The following GALNTL6 variants were observed in gnomAD, a reference collection of about 807,000 sequenced individuals.
GALNTL6 encodes polypeptide N-acetylgalactosaminyltransferase like 6.
A neutral mutation model predicts 73.7 loss-of-function variants in GALNTL6; 46 were observed. The ratio of observed to expected loss-of-function variants is 0.62; its 90% CI spans 0.49 to 0.80. The LOEUF (loss-of-function observed/expected upper bound fraction) is 0.80. Among genes scored for constraint, GALNTL6 ranks in the 30% least tolerant of loss-of-function variants. The pLI, the probability that GALNTL6 is intolerant of heterozygous loss-of-function variation, is 0.00. For synonymous variants in GALNTL6, 259 were observed against 263.7 expected, an observed-to-expected ratio of 0.98 and a Z score of 0.17; for missense variants, 604 against 755.0, an observed-to-expected ratio of 0.80 and a Z score of 2.34.
At chr4:172,522,916 A>G (rs1734833245) in intron 5 of GALNTL6, among the ~76,000 whole-genome samples, 1 of 152,214 alleles carries the variant, frequency 6.6e-6, no homozygotes, top group South Asian at 2.1e-4. Flanking sequence ...CTAGGTCAGG[A>G]AAATGATCAC....
Position 172,804,326 on chromosome 4 carries a change from T to C in GALNTL6, c.554-5035T>C, listed in dbSNP as rs148260032. On this transcript the variant is annotated intron_variant, in intron 5 of 12. Transcript: ENST00000506823. Reference sequence around the variant, plus strand: ...TTTATAATCCATTACATTTCAGAACTCATAGCTAAGTATCACCCGTAATAA... The same window carrying C: ...TTTATAATCCATTACATTTCAGAACCCATAGCTAAGTATCACCCGTAATAA... 5.8e-3 allele frequency among the ~76,000 whole-genome samples: 886 copies of C among 152,298 alleles called. 7 individuals carry two copies. Among genetic ancestry groups the C allele is most frequent in the Non-Finnish European group, 9.4e-3 (637 of 68,024 alleles).
At chr4:172,510,921 T>C (rs6855796) in intron 5 of GALNTL6, among the ~76,000 whole-genome samples, 48,657 of 52,640 alleles carry the variant, frequency 0.92, 23,956 homozygotes, top group Middle Eastern at 1. Flanking sequence ...TTGTTATGTC[T>C]TTTCCTGGTT....
At position 172,726,433 on chromosome 4, in the gene GALNTL6, C is replaced by T. The variant is rs111889398; in HGVS notation, c.554-82928C>T. Among the ~76,000 whole-genome samples the T allele has an allele frequency of 8.9e-3, 1,349 of 152,246 alleles. 24 individuals are homozygous for T. Among genetic ancestry groups the T allele is most frequent in the African/African-American group, 0.031 (1,297 of 41,540 alleles). On this transcript the variant is annotated intron_variant, in intron 5 of 12. Transcript: ENST00000506823. ...TCCCACATTCCTTTGTACTTGCACC[C>T]TAATCTTTCTGGCTCCTGCAAGGAG...
At chr4:172,090,365 G>GT (rs1321460164) in intron 2 of GALNTL6, among the ~76,000 whole-genome samples, 2 of 152,150 alleles carry the variant, frequency 1.3e-5, no homozygotes, top group African/African-American at 4.8e-5. Context: ...AGCATCTGTT[G>GT]TTTCCTGACT....
rs577481555 is a variant in GALNTL6 at position 172,443,257 on chromosome 4, CT to C, written c.553+94569del. Among the ~76,000 whole-genome samples the C allele has an allele frequency of 2.2e-4, 32 of 148,634 alleles. No homozygotes were observed. In the South Asian group the frequency reaches 6.4e-3, roughly 30 times the overall value. On this transcript the variant is annotated intron_variant, in intron 5 of 12. Transcript: ENST00000506823. ...TTCAGCTCACTGCAACTTCCACCTC[CT>C]GGTTTCAAGCGATTCTTCTGCCTCA...
At chr4:172,459,291 T>G (rs1732522512) in intron 5 of GALNTL6, among the ~76,000 whole-genome samples, 1 of 152,200 alleles carries the variant, frequency 6.6e-6, no homozygotes, top group Non-Finnish European at 1.5e-5. Context: ...GCATTCCCTT[T>G]GAAAACCAGC....
At chr4:172,767,578 C>A (rs1738505490) in intron 5 of GALNTL6, among the ~76,000 whole-genome samples, 1 of 150,876 alleles carries the variant, frequency 6.6e-6, no homozygotes, top group African/African-American at 2.4e-5. Flanking sequence ...GTTTAAAATT[C>A]TAGTAAAACT....
At chr4:172,309,627 T>C (rs1286915105) in intron 3 of GALNTL6, among the ~76,000 whole-genome samples, 1 of 152,090 alleles carries the variant, frequency 6.6e-6, no homozygotes, top group Admixed American at 6.5e-5. Flanking sequence ...TAATAATTAT[T>C]TATTGTTAAC....
At chr4:171,984,153 G>A (rs921008743) in intron 2 of GALNTL6, among the ~76,000 whole-genome samples, 14 of 152,172 alleles carry the variant, frequency 9.2e-5, no homozygotes, top group Non-Finnish European at 1.5e-4. Flanking sequence ...CCCGTGGGAA[G>A]GAGAGCTTGA....
chr4:171,861,572 TC>T (rs1200150304), intron 2 of GALNTL6, among the ~76,000 whole-genome samples: 1 of 152,020 alleles, frequency 6.6e-6, no homozygotes, highest in Non-Finnish European at 1.5e-5. Flanking sequence ...CCATCAATCT[TC>T]CTCAGTTTTT....
intron 2 of GALNTL6, among the ~76,000 whole-genome samples, chr4:172,157,452 T>C (rs1018931516): frequency 1.3e-5 from 2 of 152,198 alleles, no homozygotes; most frequent in African/African-American, 4.8e-5. Context: ...TTCTTCATTC[T>C]GGGAGGCAGC....
intron 4 of GALNTL6, among the ~76,000 whole-genome samples, chr4:172,337,246 AGTAGGACCATGTACCTTCAAG>A (rs1297414594): frequency 1.3e-5 from 2 of 151,988 alleles, no homozygotes; most frequent in Non-Finnish European, 2.9e-5. Flanking sequence ...GTACCTTTTA[AGTAGGACCATGTACCTTCAAG>A]GTTACACCAT....
intron 5 of GALNTL6, among the ~76,000 whole-genome samples, chr4:172,625,323 G>C (rs549549141): frequency 1.1e-4 from 17 of 152,018 alleles, no homozygotes; most frequent in African/African-American, 4.1e-4. Context: ...AATTTGCTTA[G>C]AATAATGCCC....
intron 2 of GALNTL6, among the ~76,000 whole-genome samples, chr4:171,842,955 A>C (rs1378356645): frequency 6.6e-6 from 1 of 152,114 alleles, no homozygotes; most frequent in Non-Finnish European, 1.5e-5. Context: ...CATCCATTCA[A>C]TATATCTGCA....
chr4:172,688,358 G>A (rs1277232234), intron 5 of GALNTL6, among the ~76,000 whole-genome samples: 1 of 152,198 alleles, frequency 6.6e-6, no homozygotes, highest in South Asian at 2.1e-4. Flanking sequence ...GGTTGTAAAT[G>A]TACCAATTTA....
At chr4:172,274,142 A>G (rs1440687057) in intron 3 of GALNTL6, among the ~76,000 whole-genome samples, 3 of 152,200 alleles carry the variant, frequency 2.0e-5, no homozygotes, top group Non-Finnish European at 4.4e-5. Context: ...GAACAATCTG[A>G]CAGTGTTACT....
At chr4:172,528,319 A>AATATATATATATATAT (rs3083419) in intron 5 of GALNTL6, among the ~76,000 whole-genome samples, 2 of 103,680 alleles carry the variant, frequency 1.9e-5, no homozygotes, top group African/African-American at 4.9e-5. Flanking sequence ...CTAGAAATAA[A>AATATATATATATATAT]ATATATATAT....
chr4:172,479,577 A>G (rs1010411186), intron 5 of GALNTL6, among the ~76,000 whole-genome samples: 6 of 152,132 alleles, frequency 3.9e-5, no homozygotes, highest in Non-Finnish European at 5.9e-5. Flanking sequence ...AGGGAAACAA[A>G]GGATTAAAAA....
At chr4:172,677,688 C>T (rs886356659) in intron 5 of GALNTL6, among the ~76,000 whole-genome samples, 16 of 151,816 alleles carry the variant, frequency 1.1e-4, no homozygotes, top group South Asian at 2.1e-4. Flanking sequence ...TTTGGGAGGC[C>T]GAGGCAGGAG....
Sources: gnomAD v4.1 joint callset for allele counts (sites outside exome capture counted in the v4.1 genomes callset) on GRCh38, gnomAD v4.1.1 for gene constraint, MANE v1.5 for transcripts, NCBI Gene and HGNC (gene_info 2026-07-23, HGNC 2026-07-21) for gene names.